NLRP5: variants seen among roughly 807,000 people sequenced by gnomAD.
The protein encoded by NLRP5 is NACHT, LRR and PYD domains-containing protein 5.
In NLRP5, 93 loss-of-function variants were observed where a neutral mutation model predicts 113.1. The ratio of observed to expected loss-of-function variants is 0.82; its 90% CI spans 0.70 to 0.98. NLRP5 has a LOEUF of 0.98. NLRP5 is among the 50% of genes least tolerant of loss of function. The probability of loss-of-function intolerance (pLI) is 0.00; values close to 1 mark genes in which losing one functional copy is unlikely to be tolerated. For missense variants in NLRP5, 1,808 were observed against 1,514.3 expected (o/e 1.19, Z -3.22); for synonymous variants, 751 against 600.7 (o/e 1.25, Z -3.66).
At chr19:56,051,775 T>C (rs1983939005) in intron 12 of NLRP5, among the ~76,000 whole-genome samples, 1 of 152,230 alleles carries the variant, frequency 6.6e-6, no homozygotes, top group African/African-American at 2.4e-5. Context: ...GTTTTCATCA[T>C]GAGCATAAAT....
At chr19:56,012,776 C>T (rs188585617) in intron 3 of NLRP5, among the ~76,000 whole-genome samples, 1 of 152,240 alleles carries the variant, frequency 6.6e-6, no homozygotes, top group Admixed American at 6.5e-5. Context: ...CCTGGAATAC[C>T]TGTGATATAA....
chr19:56,040,903 T>C lies in NLRP5; in HGVS notation c.2787-19T>C, dbSNP rs1242005541. On this transcript the variant is annotated intron_variant, in intron 10 of 14. Transcript: ENST00000390649. ...AGAAGGCATCTCATCATGTCCTCTCTGGGGCTCTCTTCTTGCAGACTGGAG... is the reference window on the plus strand; with the variant it reads ...AGAAGGCATCTCATCATGTCCTCTCCGGGGCTCTCTTCTTGCAGACTGGAG... 6.2e-7 allele frequency: 1 copy of C among 1,610,942 alleles called. No homozygotes were observed. The highest frequency in any genetic ancestry group is 1.7e-5 in the Admixed American group (1 of 59,726).
rs541246339 is a variant in NLRP5, at chr19:56,001,359, T to C, written c.62+1572T>C. On this transcript the variant is annotated intron_variant, in intron 1 of 14. Transcript: ENST00000390649. ...AACAAACAAAAAACACCACAGCTTATTGAATAGATTTTAGCTACCATGACA... is the reference window on the plus strand; with the variant it reads ...AACAAACAAAAAACACCACAGCTTACTGAATAGATTTTAGCTACCATGACA... Among the ~76,000 whole-genome samples the C allele has an allele frequency of 5.9e-4, 90 of 151,742 alleles. 1 individual carries two copies. Among genetic ancestry groups the C allele is most frequent in the Middle Eastern group, 3.4e-3 (1 of 292 alleles).
the NLRP5 span, among the ~76,000 whole-genome samples, chr19:55,986,880 T>C: frequency 6.6e-6 from 1 of 152,210 alleles, no homozygotes; most frequent in East Asian, 1.9e-4. Context: ...CACTGCTGAT[T>C]AGAACCCGCG....
At chr19:56,019,978 A>G (rs1331615090) in intron 5 of NLRP5, among the ~76,000 whole-genome samples, 1 of 151,714 alleles carries the variant, frequency 6.6e-6, no homozygotes, top group African/African-American at 2.4e-5. Context: ...CTGGGATTAC[A>G]GGCACCTGCC....
At chr19:56,040,898 C>T in intron 10 of NLRP5, 24 bp from the exon 11 acceptor site, 1 of 1,606,076 alleles carries the variant, frequency 6.2e-7, no homozygotes, top group East Asian at 2.2e-5. Flanking sequence ...TCATCATGTC[C>T]TCTCTGGGGC....
intron 6 of NLRP5, among the ~76,000 whole-genome samples, chr19:56,021,415 TC>T (rs1309643168): frequency 6.6e-6 from 1 of 152,186 alleles, no homozygotes; most frequent in Non-Finnish European, 1.5e-5. Context: ...TATCCAACTG[TC>T]ATCACTAATT....
At chr19:56,038,344 G>A in intron 10 of NLRP5, 149 bp downstream of exon 10, 1 of 781,106 alleles carries the variant, frequency 1.3e-6, no homozygotes, top group East Asian at 2.5e-5. Context: ...GACCTGCCCA[G>A]TGTGGGGTGT....
chr19:56,057,568 G>A (rs937650907), intron 13 of NLRP5, among the ~76,000 whole-genome samples: 2 of 151,958 alleles, frequency 1.3e-5, no homozygotes, highest in African/African-American at 2.4e-5. Flanking sequence ...CTTTCTTCAG[G>A]TGCAGTGTTG....
rs1211476408 is a variant in NLRP5, at chr19:56,059,391, A to G, written c.3470+981A>G. 7.2e-5 allele frequency among the ~76,000 whole-genome samples: 11 copies of G among 152,218 alleles called. No homozygotes were observed. The East Asian group carries it at 2.1e-3, about 29-fold the overall frequency. ...AAAAGCATTTGTCATTTAGGAGCTC[A>G]TATCCGTAGACTAACAGGAGTTCAG... On this transcript the variant is annotated intron_variant, in intron 14 of 14. Coordinates refer to ENST00000390649, the MANE Select transcript of NLRP5 (RefSeq NM_153447.4).
chr19:56,011,691 CTT>C (rs201802212), intron 3 of NLRP5, among the ~76,000 whole-genome samples: 2 of 143,910 alleles, frequency 1.4e-5, no homozygotes, highest in African/African-American at 5.1e-5. Flanking sequence ...TTTCCTATGT[CTT>C]TTTTTTTTTT....
Position 56,022,409 on chromosome 19 carries a change from A to G in NLRP5, c.679+1978A>G, listed in dbSNP as rs2437691. Among the ~76,000 whole-genome samples the G allele has an allele frequency of 4.9e-3, 744 of 151,558 alleles. 5 individuals are homozygous for G. The highest frequency in any genetic ancestry group is 0.016 in the African/African-American group (664 of 41,336). ...AATTTTCATATTTGTTATAGAAAGGAGGGGGCAGGGGGTCTCGCTATGTTG... is the reference window on the plus strand; with the variant it reads ...AATTTTCATATTTGTTATAGAAAGGGGGGGGCAGGGGGTCTCGCTATGTTG... On this transcript the variant is annotated intron_variant, in intron 6 of 14. Transcript: ENST00000390649.
intron 6 of NLRP5, among the ~76,000 whole-genome samples, chr19:56,024,340 T>TTA (rs1982727602): frequency 1.8e-5 from 2 of 110,232 alleles, no homozygotes; most frequent in Non-Finnish European, 3.7e-5. Context: ...CATCTCTGCT[T>TTA]AAAAAAAAAA....
At chr19:56,011,396 T>C (rs78286328) in intron 3 of NLRP5, among the ~76,000 whole-genome samples, 2 of 152,062 alleles carry the variant, frequency 1.3e-5, no homozygotes, top group South Asian at 4.1e-4. Flanking sequence ...TGAGGGTGAT[T>C]AAGATGTTCT....
At chr19:56,055,615 A>T (rs563803796) in intron 13 of NLRP5, among the ~76,000 whole-genome samples, 2 of 130,460 alleles carry the variant, frequency 1.5e-5, no homozygotes, top group Non-Finnish European at 3.1e-5. Flanking sequence ...GCGCGATCTC[A>T]GCTCACTGCA....
intron 1 of NLRP5, among the ~76,000 whole-genome samples, chr19:56,001,102 T>A (rs1319829131): frequency 6.6e-6 from 1 of 151,084 alleles, no homozygotes; most frequent in African/African-American, 2.4e-5. Flanking sequence ...GTAAGAGGAT[T>A]ACTTGAGCCC....
chr19:55,998,987 C>T (rs1415580408), upstream of NLRP5, among the ~76,000 whole-genome samples: 2 of 151,400 alleles, frequency 1.3e-5, no homozygotes, highest in Non-Finnish European at 2.9e-5. Context: ...AATTCCATGG[C>T]AGGTTAAATA....
At chr19:56,014,876 A>C (rs1982345608) in intron 3 of NLRP5, among the ~76,000 whole-genome samples, 1 of 152,162 alleles carries the variant, frequency 6.6e-6, no homozygotes, top group African/African-American at 2.4e-5. Flanking sequence ...TAGATTGGCT[A>C]TTCTGGGTCT....
At chr19:56,024,022 C>G (rs1295455517) in intron 6 of NLRP5, among the ~76,000 whole-genome samples, 2 of 151,888 alleles carry the variant, frequency 1.3e-5, no homozygotes, top group East Asian at 3.9e-4. Context: ...ACTATTGAGG[C>G]AAAAAGACAA....
Sources: allele counts gnomAD v4.1 joint callset (sites outside exome capture counted in the v4.1 genomes callset), GRCh38; gene constraint gnomAD v4.1.1; transcripts MANE v1.5; gene names NCBI Gene and HGNC (gene_info 2026-07-23, HGNC 2026-07-21).